Variants in EPHB1 observed in about 807,000 individuals in gnomAD.
EPHB1 encodes the protein ephrin type-B receptor 1.
In EPHB1, 30 loss-of-function variants were observed where a neutral mutation model predicts 94.4. The ratio of observed to expected loss-of-function variants is 0.32; its 90% CI spans 0.24 to 0.43. EPHB1 has a LOEUF of 0.43. EPHB1 is among the 20% of genes least tolerant of loss of function. The probability of loss-of-function intolerance (pLI) is 1.00; values close to 1 mark genes in which losing one functional copy is unlikely to be tolerated. For synonymous variants in EPHB1, 522 were observed against 489.1 expected (o/e 1.07, Z -0.89); for missense variants, 1,055 against 1,308.3 (o/e 0.81, Z 2.99).
At chr3:134,909,625 T>C (rs2038411023) in intron 1 of EPHB1, among the ~76,000 whole-genome samples, 1 of 152,226 alleles carries the variant, frequency 6.6e-6, no homozygotes, top group Non-Finnish European at 1.5e-5. Flanking sequence ...ATCCTGAAGC[T>C]ACTCACCTTG....
chr3:135,192,699 C>T lies in EPHB1; in HGVS notation c.2006C>T (p.Ala669Val), dbSNP rs2107710016. ...CAGCGTCGGGACTTTCTGAGTGAGG[C>T]GAGCATCATGGGCCAGTTCGACCAT... ...EKQRRDFLSEASIMGQFDHPN... is the reference protein window; with the variant it reads ...EKQRRDFLSEVSIMGQFDHPN... The change falls in exon 11 of 16, where the codon GCG becomes GTG. Residue 669 changes from alanine to valine, a missense_variant. Ala to Val is a moderately conservative substitution (Grantham distance 64). Transcript: ENST00000398015. 1.2e-6 allele frequency: 2 copies of T among 1,614,142 alleles called. No individual in the cohort carries two copies. Among genetic ancestry groups the T allele is most frequent in the Non-Finnish European group, 1.7e-6 (2 of 1,180,022 alleles).
At chr3:134,917,345 G>C (rs759947094) in intron 1 of EPHB1, among the ~76,000 whole-genome samples, 2 of 152,204 alleles carry the variant, frequency 1.3e-5, no homozygotes, top group Non-Finnish European at 2.9e-5. Context: ...ACATTGAAAA[G>C]ACCTTCCCAT....
chr3:135,254,180 C>G (rs1230954474), intron 15 of EPHB1, among the ~76,000 whole-genome samples: 5 of 79,294 alleles, frequency 6.3e-5, no homozygotes, highest in African/African-American at 2.3e-4. Flanking sequence ...TTGACTTCCT[C>G]TTTTCCTAAT....
intron 3 of EPHB1, among the ~76,000 whole-genome samples, chr3:134,991,536 C>T (rs1031776339): frequency 6.6e-6 from 1 of 152,164 alleles, no homozygotes; most frequent in Admixed American, 6.5e-5. Flanking sequence ...ACCCTCTCAG[C>T]ATGCTCCTTT....
chr3:134,920,454 G>A (rs1436223360), intron 1 of EPHB1, among the ~76,000 whole-genome samples: 1 of 152,144 alleles, frequency 6.6e-6, no homozygotes, highest in Non-Finnish European at 1.5e-5. Flanking sequence ...CTGTACGGTG[G>A]CGCTAGCCCT....
intron 3 of EPHB1, among the ~76,000 whole-genome samples, chr3:135,033,393 C>T (rs970489609): frequency 6.6e-6 from 1 of 152,162 alleles, no homozygotes; most frequent in African/African-American, 2.4e-5. Context: ...ATCAACCAGT[C>T]AACTCACACC....
intron 3 of EPHB1, among the ~76,000 whole-genome samples, chr3:135,036,588 A>AG (rs1936655933): frequency 6.6e-6 from 1 of 152,152 alleles, no homozygotes; most frequent in African/African-American, 2.4e-5. Context: ...AGACCTGTGG[A>AG]GGGTCCTCCT....
intron 12 of EPHB1, among the ~76,000 whole-genome samples, chr3:135,236,164 G>A (rs944767461): frequency 2.0e-5 from 3 of 152,212 alleles, no homozygotes; most frequent in East Asian, 3.9e-4. Flanking sequence ...TGGCAGGGTC[G>A]TTCTCCCTTT....
At chr3:135,086,391 A>G (rs1305269504) in intron 3 of EPHB1, among the ~76,000 whole-genome samples, 1 of 151,904 alleles carries the variant, frequency 6.6e-6, no homozygotes, top group Non-Finnish European at 1.5e-5. Context: ...TTCAAGACTC[A>G]GTTCGACATC....
chr3:134,828,519 A>T (rs181366303), intron 1 of EPHB1, among the ~76,000 whole-genome samples: 2 of 152,216 alleles, frequency 1.3e-5, no homozygotes, highest in Non-Finnish European at 2.9e-5. Flanking sequence ...CTATCATTTT[A>T]TAGATCAGGA....
intron 3 of EPHB1, among the ~76,000 whole-genome samples, chr3:135,086,145 TG>T (rs1183965823): frequency 1.3e-5 from 2 of 151,892 alleles, no homozygotes; most frequent in African/African-American, 4.8e-5. Context: ...GACAGATATG[TG>T]GGGGGTGGTA....
At chr3:135,255,624 G>C (rs1441898244) in intron 15 of EPHB1, among the ~76,000 whole-genome samples, 1 of 149,836 alleles carries the variant, frequency 6.7e-6, no homozygotes, top group East Asian at 2.0e-4. Context: ...GCTGAGGAGA[G>C]CTTTACTTCC....
intron 1 of EPHB1, among the ~76,000 whole-genome samples, chr3:134,915,466 T>G (rs964946699): frequency 6.6e-6 from 1 of 152,026 alleles, no homozygotes; most frequent in Non-Finnish European, 1.5e-5. Context: ...CCAGGAAAGA[T>G]CCTCCCCGAT....
chr3:134,915,432 C>A (rs1413400825), intron 1 of EPHB1, among the ~76,000 whole-genome samples: 1 of 152,126 alleles, frequency 6.6e-6, no homozygotes, highest in African/African-American at 2.4e-5. Flanking sequence ...AGATCCCAGG[C>A]AAACCACCAG....
intron 15 of EPHB1, among the ~76,000 whole-genome samples, chr3:135,251,803 G>A (rs1305901536): frequency 2.0e-5 from 3 of 152,208 alleles, no homozygotes; most frequent in African/African-American, 7.2e-5. Context: ...GTTCACCAGG[G>A]TGTGATGTGC....
intron 2 of EPHB1, among the ~76,000 whole-genome samples, chr3:134,949,917 G>A (rs972234): frequency 0.5 from 75,523 of 151,868 alleles, 19,663 homozygotes; most frequent in African/African-American, 0.64. Flanking sequence ...AGAGAGCTCA[G>A]TTAAGGGAAC....
intron 3 of EPHB1, among the ~76,000 whole-genome samples, chr3:134,992,397 G>A (rs897483689): frequency 3.9e-4 from 60 of 152,314 alleles, no homozygotes; most frequent in African/African-American, 1.4e-3. Context: ...GACACATGCT[G>A]GTCCCAGGAC....
At chr3:135,159,703 A>T (rs924543) in intron 6 of EPHB1, among the ~76,000 whole-genome samples, 5 of 152,208 alleles carry the variant, frequency 3.3e-5, no homozygotes, top group African/African-American at 1.2e-4. Flanking sequence ...TCTGCAGGCA[A>T]TCTCTCCCAG....
At chr3:135,180,051 G>A (rs908091849) in intron 10 of EPHB1, 69 bp downstream of exon 10, 5 of 1,585,944 alleles carry the variant, frequency 3.2e-6, no homozygotes, top group Non-Finnish European at 3.4e-6. Context: ...CACCCTAGAT[G>A]GTCTCTTTCA....
Sources: allele counts gnomAD v4.1 joint callset (sites outside exome capture counted in the v4.1 genomes callset), GRCh38; gene constraint gnomAD v4.1.1; transcripts MANE v1.5; gene names NCBI Gene and HGNC (gene_info 2026-07-23, HGNC 2026-07-21).